CYSTM1: variants seen among roughly 807,000 people sequenced by gnomAD.
The protein encoded by CYSTM1 is cysteine rich transmembrane module containing 1, also known as cysteine-rich transmembrane module-containing protein 1.
A neutral mutation model predicts 13.1 loss-of-function variants in CYSTM1; 4 were observed. The ratio of observed to expected loss-of-function variants is 0.31; its 90% confidence interval spans 0.15 to 0.70. The LOEUF (loss-of-function observed/expected upper bound fraction) is 0.70. Among genes scored for constraint, CYSTM1 ranks in the 30% least tolerant of loss-of-function variants. The pLI, the probability that CYSTM1 is intolerant of heterozygous loss-of-function variation, is 0.72. For missense variants in CYSTM1, 96 were observed against 121.6 expected, an observed-to-expected ratio of 0.79 and a Z score of 0.99; for synonymous variants, 36 against 42.7, an observed-to-expected ratio of 0.84 and a Z score of 0.62.
At chr5:140,194,742 A>G (rs1370434941) in intron 2 of CYSTM1, 90 bp downstream of exon 2, 15 of 1,467,184 alleles carry the variant, frequency 1.0e-5, no homozygotes, top group African/African-American at 2.9e-5. Flanking sequence ...AATTCTTTCC[A>G]GCCTTTGCAA....
At chr5:140,209,342 C>G (rs1764336114) in intron 2 of CYSTM1, among the ~76,000 whole-genome samples, 1 of 150,482 alleles carries the variant, frequency 6.6e-6, no homozygotes, top group Non-Finnish European at 1.5e-5. Context: ...TCTCAGCTCA[C>G]TGCAACCTCC....
chr5:140,182,467 T>G (rs1258089389), intron 1 of CYSTM1, among the ~76,000 whole-genome samples: 1 of 152,110 alleles, frequency 6.6e-6, no homozygotes, highest in African/African-American at 2.4e-5. Flanking sequence ...AAAAGAGGCC[T>G]GAGTGGTGGT....
At chr5:140,229,079 C>T (rs908646459) in intron 2 of CYSTM1, among the ~76,000 whole-genome samples, 2 of 152,128 alleles carry the variant, frequency 1.3e-5, no homozygotes, top group African/African-American at 4.8e-5. Flanking sequence ...ATTGATTATA[C>T]ATATTCTTAG....
At chr5:140,242,782 C>T (rs567808271) in intron 2 of CYSTM1, among the ~76,000 whole-genome samples, 8 of 152,342 alleles carry the variant, frequency 5.3e-5, no homozygotes, top group Non-Finnish European at 1.0e-4. Context: ...TGCCTTCCTT[C>T]ATCGTTTATG....
At chr5:140,182,115 T>C (rs942258948) in intron 1 of CYSTM1, among the ~76,000 whole-genome samples, 20 of 152,228 alleles carry the variant, frequency 1.3e-4, no homozygotes, top group Non-Finnish European at 1.8e-4. Flanking sequence ...AACGATATCA[T>C]TGCCTTAAAC....
intron 2 of CYSTM1, among the ~76,000 whole-genome samples, chr5:140,224,242 C>T (rs1181167823): frequency 6.6e-6 from 1 of 152,084 alleles, no homozygotes; most frequent in Non-Finnish European, 1.5e-5. Context: ...CGGGTTCAAG[C>T]GATTCTCCTG....
At chr5:140,225,811 A>G (rs78486606) in intron 2 of CYSTM1, among the ~76,000 whole-genome samples, 11,387 of 152,238 alleles carry the variant, frequency 0.075, 563 homozygotes, top group South Asian at 0.17. Flanking sequence ...GGAGATAGAG[A>G]TCTGGCTCTG....
chr5:140,205,228 A>G (rs1330198988), intron 2 of CYSTM1, among the ~76,000 whole-genome samples: 2 of 152,144 alleles, frequency 1.3e-5, no homozygotes, highest in African/African-American at 4.8e-5. Context: ...GGAGGCCTCT[A>G]TATTCCACGG....
In CYSTM1 at chr5:140,243,634, G is replaced by A. The variant is rs1188768198; in HGVS notation, c.*223G>A. 4.8e-6 allele frequency: 2 copies of A among 415,664 alleles called. No individual in the cohort carries two copies. The highest frequency in any genetic ancestry group is 8.5e-6 in the Non-Finnish European group (2 of 234,924). 25.7% of individuals were successfully genotyped at this position (415,664 alleles called of 1,614,324 possible). ...CCATTTCTTATTGATCTTTAAAGAT[G>A]TGCTAAATGACTTTTTTGGCCAAAG... On this transcript the variant is annotated 3_prime_UTR_variant, in exon 3 of 3. Coordinates refer to ENST00000261811, the MANE Select transcript of CYSTM1 (RefSeq NM_032412.4).
chr5:140,241,323 G>A (rs1764745896), intron 2 of CYSTM1, among the ~76,000 whole-genome samples: 1 of 152,240 alleles, frequency 6.6e-6, no homozygotes, highest in South Asian at 2.1e-4. Context: ...AAGCAGTGAG[G>A]AGACTGACTG....
intron 1 of CYSTM1, among the ~76,000 whole-genome samples, chr5:140,186,780 A>G (rs1172987490): frequency 1.3e-5 from 2 of 151,906 alleles, no homozygotes; most frequent in African/African-American, 4.8e-5. Context: ...TAATATGTCA[A>G]TGCCAAAATT....
At chr5:140,228,703 C>T (rs1489176024) in intron 2 of CYSTM1, 2 of 398,986 alleles carry the variant, frequency 5.0e-6, no homozygotes, top group Admixed American at 4.4e-5. Flanking sequence ...TCTCTCTCCT[C>T]TGCCCGCCCT....
chr5:140,196,452 C>G (rs867703428), intron 2 of CYSTM1, among the ~76,000 whole-genome samples: 15 of 152,250 alleles, frequency 9.9e-5, no homozygotes, highest in African/African-American at 3.1e-4. Context: ...ATTTTGCATT[C>G]ATGGAAAAGA....
chr5:140,229,856 C>G (rs1042799277), intron 2 of CYSTM1, among the ~76,000 whole-genome samples: 1 of 152,074 alleles, frequency 6.6e-6, no homozygotes, highest in Non-Finnish European at 1.5e-5. Context: ...TGCCACCACA[C>G]CCAGCTAATT....
chr5:140,184,723 A>G (rs1763997031), intron 1 of CYSTM1, among the ~76,000 whole-genome samples: 1 of 152,200 alleles, frequency 6.6e-6, no homozygotes, highest in African/African-American at 2.4e-5. Context: ...CCTGGATCCA[A>G]CTAGAGGTTC....
Position 140,194,657 on chromosome 5 carries a change from G to A in CYSTM1, c.187+5G>A, listed in dbSNP as rs1423318331. ...AGGAGCCTCCTAAAACCACAGGTGTGTGTCTCTGAATATGTGGGTGTGCAG... is the reference window on the plus strand; with the variant it reads ...AGGAGCCTCCTAAAACCACAGGTGTATGTCTCTGAATATGTGGGTGTGCAG... On this transcript the variant is annotated splice_donor_5th_base_variant and intron_variant, in intron 2 of 2. Transcript: ENST00000261811. The A allele has an allele frequency of 1.2e-6, 2 of 1,608,206 alleles. No homozygotes were observed. Among genetic ancestry groups the A allele is most frequent in the Non-Finnish European group, 1.7e-6 (2 of 1,178,174 alleles).
At chr5:140,196,467 A>C (rs527277917) in intron 2 of CYSTM1, among the ~76,000 whole-genome samples, 1 of 152,360 alleles carries the variant, frequency 6.6e-6, no homozygotes, top group Admixed American at 6.5e-5. Context: ...AAAAGATTAT[A>C]CTTTTATAGT....
In CYSTM1 at chr5:140,239,610, A is replaced by C. The variant is rs906194095; in HGVS notation, c.188-3695A>C. On this transcript the variant is annotated intron_variant, in intron 2 of 2. Coordinates refer to ENST00000261811, the MANE Select transcript of CYSTM1 (RefSeq NM_032412.4). The surrounding 1 kb of genome is among the most constrained non-coding windows in gnomAD (Gnocchi z 5.4). ...TTCCCAAAGCTGCTGCGCACCTGAG[A>C]CCCAGGGCTTCCTGGGCCTTTCTGA... Among the ~76,000 whole-genome samples, 4 of 152,082 alleles carry C rather than the reference A, an allele frequency of 2.6e-5. No homozygotes were observed. The highest frequency in any genetic ancestry group is 5.9e-5 in the Non-Finnish European group (4 of 67,988).
At chr5:140,200,778 C>G (rs1162745321) in intron 2 of CYSTM1, 2 of 152,148 alleles carry the variant, frequency 1.3e-5, no homozygotes, top group Non-Finnish European at 2.9e-5. Context: ...CCAGGATGGT[C>G]TTGATCTCCT....
Sources: gnomAD v4.1 joint callset for allele counts (sites outside exome capture counted in the v4.1 genomes callset) on GRCh38, gnomAD v4.1.1 for gene constraint, Gnocchi (gnomAD v3.1) non-coding constraint, MANE v1.5 for transcripts, NCBI Gene and HGNC (gene_info 2026-07-23, HGNC 2026-07-21) for gene names.